SLC35F4: variants seen among roughly 807,000 people sequenced by gnomAD.
The protein encoded by SLC35F4 is chromosome 14 open reading frame 36.
In SLC35F4, 24 loss-of-function variants were observed where a neutral mutation model predicts 44.2. The observed-to-expected ratio is 0.54, with a 90% CI of 0.39 to 0.76. SLC35F4 has a LOEUF of 0.76. Among genes scored for constraint, SLC35F4 ranks in the 30% least tolerant of loss-of-function variants. SLC35F4 has a pLI of 0.00. For missense variants in SLC35F4, 562 were observed against 586.1 expected (o/e 0.96, Z 0.42); for synonymous variants, 238 against 223.6 (o/e 1.06, Z -0.57).
At chr14:57,746,074 G>T (rs2140534882) in intron 1 of SLC35F4, among the ~76,000 whole-genome samples, 1 of 151,998 alleles carries the variant, frequency 6.6e-6, no homozygotes. Flanking sequence ...CACACACTGG[G>T]GCCTGTCATG....
intron 1 of SLC35F4, among the ~76,000 whole-genome samples, chr14:57,831,868 G>C (rs1283748195): frequency 1.3e-5 from 2 of 152,106 alleles, no homozygotes; most frequent in Non-Finnish European, 2.9e-5. Flanking sequence ...TTTTTCCATA[G>C]AAATGCAGGA....
intron 1 of SLC35F4, among the ~76,000 whole-genome samples, chr14:57,797,527 T>C (rs140141486): frequency 9.1e-4 from 139 of 152,318 alleles, no homozygotes; most frequent in African/African-American, 3.2e-3. Flanking sequence ...CAGTTCCTTA[T>C]CTGTAAAATA....
chr14:57,583,233 A>AGGAAGTTTT (rs1326021849), intron 3 of SLC35F4, among the ~76,000 whole-genome samples: 2 of 152,200 alleles, frequency 1.3e-5, no homozygotes, highest in African/African-American at 4.8e-5. Context: ...ATAGAACCAG[A>AGGAAGTTTT]GGAAGTTTTC....
At chr14:57,852,019 C>T (rs1402124333) in intron 1 of SLC35F4, among the ~76,000 whole-genome samples, 1 of 152,220 alleles carries the variant, frequency 6.6e-6, no homozygotes, top group Admixed American at 6.5e-5. Flanking sequence ...AGTGCCCAAG[C>T]ATTGTTCTTT....
In SLC35F4 at chr14:57,939,062, G is replaced by A. The variant is rs138682617; in HGVS notation, n.282+42851C>T. ...TATCAGAGGTAGCTGAGCAAAGTGG[G>A]GAAATGCATGCTTCAGTGCTGGTAT... On this transcript the variant is annotated intron_variant and non_coding_transcript_variant, in intron 1 of 1. Transcript: ENST00000556568. 3.7e-4 allele frequency among the ~76,000 whole-genome samples: 57 copies of A among 152,112 alleles called. No homozygotes were observed. The East Asian group carries it at 8.1e-3, about 22-fold the overall frequency.
intron 1 of SLC35F4, among the ~76,000 whole-genome samples, chr14:57,620,122 G>T (rs1412063352): frequency 6.6e-6 from 1 of 152,092 alleles, no homozygotes; most frequent in Non-Finnish European, 1.5e-5. Context: ...CACTCTTCAG[G>T]ATATTTTCCA....
In SLC35F4 at chr14:57,773,582, G is replaced by A. The variant is rs372490689; in HGVS notation, c.103+92141C>T. Among the ~76,000 whole-genome samples the A allele has an allele frequency of 4.6e-5, 7 of 151,838 alleles. No homozygotes were observed. The East Asian group carries it at 7.8e-4, about 17-fold the overall frequency. On this transcript the variant is annotated intron_variant, in intron 1 of 7. Transcript: ENST00000556826. The stretch of plus-strand genomic sequence containing the variant: ...TATATTTGGCTACAACTTTTCCAGT[G>A]TAGATCCTGGTCACTCAACTTTAAA...
At chr14:57,950,675 C>CTTTTTTTTTTTTTTTTTTTTTTTTTTTTT (rs59027196) in intron 1 of SLC35F4, among the ~76,000 whole-genome samples, 1 of 127,208 alleles carries the variant, frequency 7.9e-6, no homozygotes, top group African/African-American at 3.2e-5. Flanking sequence ...TTCTTTCTTT[C>CTTTTTTTTTTTTTTTTTTTTTTTTTTTTT]TTTTTTTTTT....
At chr14:57,678,970 G>T (rs2074799086) in intron 1 of SLC35F4, among the ~76,000 whole-genome samples, 1 of 152,032 alleles carries the variant, frequency 6.6e-6, no homozygotes, top group South Asian at 2.1e-4. Context: ...AGATCAATGA[G>T]ACAGAAAATT....
intron 1 of SLC35F4, among the ~76,000 whole-genome samples, chr14:57,651,123 G>C (rs1360223954): frequency 6.6e-6 from 1 of 152,030 alleles, no homozygotes; most frequent in Non-Finnish European, 1.5e-5. Context: ...CTCCCATTAG[G>C]ATATAAACTC....
At chr14:57,731,629 T>C (rs2076347374) in intron 1 of SLC35F4, among the ~76,000 whole-genome samples, 2 of 152,212 alleles carry the variant, frequency 1.3e-5, no homozygotes, top group African/African-American at 4.8e-5. Context: ...CTCTCCTAAG[T>C]CTTTTTTGAG....
chr14:57,651,525 C>G (rs2073783852), intron 1 of SLC35F4, among the ~76,000 whole-genome samples: 1 of 152,110 alleles, frequency 6.6e-6, no homozygotes, highest in African/African-American at 2.4e-5. Flanking sequence ...CGAGAGTCCT[C>G]AGTTTCCAAA....
chr14:57,716,418 G>A (rs1467871490), intron 1 of SLC35F4, among the ~76,000 whole-genome samples: 1 of 152,004 alleles, frequency 6.6e-6, no homozygotes, highest in Non-Finnish European at 1.5e-5. Flanking sequence ...TTGAGCAGTA[G>A]AATATAAATA....
intron 1 of SLC35F4, among the ~76,000 whole-genome samples, chr14:57,699,870 A>T (rs1175177109): frequency 6.6e-6 from 1 of 152,170 alleles, no homozygotes; most frequent in Non-Finnish European, 1.5e-5. Context: ...TCCAAGATTA[A>T]CTTTCCTTTG....
downstream of SLC35F4, among the ~76,000 whole-genome samples, chr14:57,972,124 G>T (rs760519874): frequency 9.2e-5 from 14 of 152,198 alleles, no homozygotes; most frequent in Admixed American, 2.0e-4. Flanking sequence ...CTAGTGGAAG[G>T]CCAGGACTGG....
chr14:57,902,077 CT>C (rs1254527983), intron 1 of SLC35F4, among the ~76,000 whole-genome samples: 6 of 152,278 alleles, frequency 3.9e-5, no homozygotes, highest in Admixed American at 3.3e-4. Context: ...CCTTTCTGTC[CT>C]TTACTTTGGG....
intron 1 of SLC35F4, among the ~76,000 whole-genome samples, chr14:57,959,836 G>T (rs1014899188): frequency 7.9e-5 from 12 of 152,144 alleles, no homozygotes; most frequent in Admixed American, 6.5e-4. Flanking sequence ...AATTGCTATG[G>T]TTACTGATAT....
chr14:57,788,781 C>T (rs1353684344), intron 1 of SLC35F4, among the ~76,000 whole-genome samples: 1 of 151,976 alleles, frequency 6.6e-6, no homozygotes, highest in Non-Finnish European at 1.5e-5. Flanking sequence ...CGCTCCTCGA[C>T]AAATGCAAAA....
chr14:57,921,197 G>A (rs8018335), intron 1 of SLC35F4, among the ~76,000 whole-genome samples: 28,206 of 152,140 alleles, frequency 0.19, 2,973 homozygotes, highest in East Asian at 0.41. Flanking sequence ...ATGATAGCAC[G>A]GAAACCAGAC....
Sources: allele counts gnomAD v4.1 joint callset (sites outside exome capture counted in the v4.1 genomes callset), GRCh38; gene constraint gnomAD v4.1.1; transcripts MANE v1.5; gene names NCBI Gene and HGNC (gene_info 2026-07-23, HGNC 2026-07-21).